Variants in METTL24 observed in about 807,000 individuals in gnomAD.
METTL24 encodes the protein methyltransferase like 24.
A neutral mutation model predicts 32.7 loss-of-function variants in METTL24; 29 were observed. The ratio of observed to expected loss-of-function variants is 0.89; its 90% CI spans 0.66 to 1.21. METTL24 has a LOEUF of 1.21. Among genes scored for constraint, METTL24 ranks in the 50% most tolerant of loss-of-function variants. The probability of loss-of-function intolerance (pLI) is 0.00; values close to 1 mark genes in which losing one functional copy is unlikely to be tolerated. For missense variants in METTL24, 439 were observed against 468.1 expected (o/e 0.94, Z 0.57); for synonymous variants, 163 against 179.5 (o/e 0.91, Z 0.73).
intron 4 of METTL24, among the ~76,000 whole-genome samples, chr6:110,274,772 CTTT>C (rs34193104): frequency 8.8e-6 from 1 of 113,550 alleles, no homozygotes; most frequent in South Asian, 2.9e-4. Flanking sequence ...ATTTTGGTAG[CTTT>C]TTTTTTTTTT....
At chr6:110,292,768 T>C (rs1263080324) in intron 4 of METTL24, among the ~76,000 whole-genome samples, 1 of 151,998 alleles carries the variant, frequency 6.6e-6, no homozygotes, top group African/African-American at 2.4e-5. Flanking sequence ...TTAAAAAAAC[T>C]TTATTGGTTT....
intron 2 of METTL24, among the ~76,000 whole-genome samples, chr6:110,317,526 C>T (rs1201703500): frequency 6.6e-6 from 1 of 152,076 alleles, no homozygotes; most frequent in African/African-American, 2.4e-5. Flanking sequence ...CTAGTTAGTC[C>T]AGGGCAGCTG....
intron 4 of METTL24, among the ~76,000 whole-genome samples, chr6:110,285,597 G>A (rs529791061): frequency 6.6e-6 from 1 of 151,788 alleles, no homozygotes; most frequent in African/African-American, 2.4e-5. Flanking sequence ...TATGATAGCA[G>A]GTTCTCATGC....
At chr6:110,255,963 A>T (rs1218566138) in intron 4 of METTL24, among the ~76,000 whole-genome samples, 1 of 152,192 alleles carries the variant, frequency 6.6e-6, no homozygotes, top group Non-Finnish European at 1.5e-5. Context: ...AGCAAGCACT[A>T]ATTTAGAGGG....
intron 3 of METTL24, among the ~76,000 whole-genome samples, chr6:110,314,993 T>G (rs1248270311): frequency 6.6e-6 from 1 of 151,490 alleles, no homozygotes; most frequent in African/African-American, 2.4e-5. Context: ...TTTTTGTGTT[T>G]TTTTTTTTTG....
At chr6:110,334,579 G>C (rs9386888) in intron 1 of METTL24, among the ~76,000 whole-genome samples, 1 of 152,124 alleles carries the variant, frequency 6.6e-6, no homozygotes, top group Non-Finnish European at 1.5e-5. Flanking sequence ...GCTCTGCCAC[G>C]AGTAGACAGG....
intron 4 of METTL24, among the ~76,000 whole-genome samples, chr6:110,265,579 G>T (rs1770842104): frequency 6.6e-6 from 1 of 152,122 alleles, no homozygotes. Context: ...GTGTCATGTG[G>T]GATTTCTAGA....
chr6:110,266,078 AT>A (rs1770853189), intron 4 of METTL24, among the ~76,000 whole-genome samples: 1 of 151,616 alleles, frequency 6.6e-6, no homozygotes, highest in Non-Finnish European at 1.5e-5. Flanking sequence ...TTTTAAAACA[AT>A]TTTTTTGTAG....
At chr6:110,332,939 A>G (rs1772134936) in intron 1 of METTL24, among the ~76,000 whole-genome samples, 1 of 151,700 alleles carries the variant, frequency 6.6e-6, no homozygotes, top group African/African-American at 2.4e-5. Flanking sequence ...TGTGCCTAAG[A>G]AAGCAAAGGG....
intron 4 of METTL24, among the ~76,000 whole-genome samples, chr6:110,285,446 A>G (rs1771204139): frequency 6.6e-6 from 1 of 152,168 alleles, no homozygotes; most frequent in African/African-American, 2.4e-5. Context: ...AAGCACCTAG[A>G]GCCTGTTTCA....
At chr6:110,246,790 G>A (rs1419425533) in intron 4 of METTL24, among the ~76,000 whole-genome samples, 1 of 152,118 alleles carries the variant, frequency 6.6e-6, no homozygotes, top group Non-Finnish European at 1.5e-5. Flanking sequence ...AAGGGCTACT[G>A]CCTGCAGGGA....
At chr6:110,353,129 C>A (rs889061965) in intron 1 of METTL24, among the ~76,000 whole-genome samples, 1 of 152,216 alleles carries the variant, frequency 6.6e-6, no homozygotes, top group Non-Finnish European at 1.5e-5. Context: ...TAATAAAAAC[C>A]TGCTTTTCTT....
In METTL24 at chr6:110,302,518, CAT is replaced by C. The variant is rs1491168595; in HGVS notation, c.558-3370_558-3369del. On this transcript the variant is annotated intron_variant, in intron 3 of 4. Coordinates refer to ENST00000338882, the MANE Select transcript of METTL24 (RefSeq NM_001123364.3). ...GTGTATATATACACATATACACACA[CAT>C]ATGTGTATATATACACATATACACA... 8.5e-3 allele frequency among the ~76,000 whole-genome samples: 977 copies of C among 114,666 alleles called. 78 individuals carry two copies. Among genetic ancestry groups the C allele is most frequent in the African/African-American group, 0.042 (907 of 21,414 alleles). The allele number at this position is 114,666 out of a possible 152,430, so 75.2% of individuals were successfully genotyped here.
intron 1 of METTL24, among the ~76,000 whole-genome samples, chr6:110,335,566 G>GTTT (rs527344096): frequency 4.5e-5 from 3 of 66,114 alleles, no homozygotes; most frequent in African/African-American, 4.8e-5. Context: ...GGGAATCATT[G>GTTT]TTTTTTTTTT....
intron 1 of METTL24, among the ~76,000 whole-genome samples, chr6:110,332,794 A>G (rs181285953): frequency 6.6e-6 from 1 of 152,052 alleles, no homozygotes; most frequent in Admixed American, 6.6e-5. Flanking sequence ...CTGTAGTCCC[A>G]GCTGCTTGGG....
chr6:110,278,512 G>A (rs927039219), intron 4 of METTL24, among the ~76,000 whole-genome samples: 2 of 152,152 alleles, frequency 1.3e-5, no homozygotes, highest in African/African-American at 2.4e-5. Context: ...CCTCAAATAT[G>A]TATTCTTTAG....
chr6:110,289,694 T>A (rs1183689694), intron 4 of METTL24, among the ~76,000 whole-genome samples: 2 of 152,088 alleles, frequency 1.3e-5, no homozygotes, highest in African/African-American at 4.8e-5. Flanking sequence ...AAAAAATGGA[T>A]AAGAAAACAT....
intron 4 of METTL24, among the ~76,000 whole-genome samples, chr6:110,250,381 T>C (rs1370094748): frequency 6.6e-6 from 1 of 151,944 alleles, no homozygotes; most frequent in Non-Finnish European, 1.5e-5. Flanking sequence ...CCAAATTTCC[T>C]CTTTTTATAA....
chr6:110,281,177 C>T (rs142457482), intron 4 of METTL24, among the ~76,000 whole-genome samples: 18 of 151,650 alleles, frequency 1.2e-4, no homozygotes, highest in East Asian at 9.7e-4. Context: ...TGTTCAGATA[C>T]GAGAAAATAT....
Sources: gnomAD v4.1 joint callset for allele counts (sites outside exome capture counted in the v4.1 genomes callset) on GRCh38, gnomAD v4.1.1 for gene constraint, MANE v1.5 for transcripts, NCBI Gene and HGNC (gene_info 2026-07-23, HGNC 2026-07-21) for gene names.